Variants in RASA3 observed in about 807,000 individuals in gnomAD.
RASA3 encodes ras GTPase-activating protein 3.
In RASA3, 73 loss-of-function variants were observed where a neutral mutation model predicts 110.0. That is an observed-to-expected ratio of 0.66 (90% CI 0.55 to 0.81). The LOEUF is 0.81. Ranked by LOEUF, RASA3 falls within the 30% of genes least tolerant of loss-of-function variation. The pLI, the probability that RASA3 is intolerant of heterozygous loss-of-function variation, is 0.00. For synonymous variants in RASA3, 500 were observed against 451.4 expected (o/e 1.11, Z -1.37); for missense variants, 976 against 1,113.2 (o/e 0.88, Z 1.75).
At chr13:114,131,400 ACAGT>A (rs2080517180) in intron 1 of RASA3, among the ~76,000 whole-genome samples, 1 of 152,256 alleles carries the variant, frequency 6.6e-6, no homozygotes, top group East Asian at 1.9e-4. Flanking sequence ...TGAATATGGA[ACAGT>A]CACTCCAGGA....
At chr13:114,081,405 C>A (rs1174524724) in intron 1 of RASA3, among the ~76,000 whole-genome samples, 1 of 152,238 alleles carries the variant, frequency 6.6e-6, no homozygotes, top group African/African-American at 2.4e-5. Flanking sequence ...TCACCCAGCA[C>A]TCTGGAAATG....
chr13:114,119,365 C>A (rs2080334370), intron 1 of RASA3, among the ~76,000 whole-genome samples: 1 of 152,202 alleles, frequency 6.6e-6, no homozygotes, highest in Non-Finnish European at 1.5e-5. Context: ...TGATTCCAGA[C>A]GGATGGGACC....
intron 3 of RASA3, among the ~76,000 whole-genome samples, chr13:114,042,853 G>A (rs552294769): frequency 2.0e-5 from 3 of 152,284 alleles, no homozygotes; most frequent in Middle Eastern, 3.4e-3. Context: ...CATCTCAGTC[G>A]GTCCTGCGGT....
chr13:113,981,545 G>A (rs75698006), intron 23 of RASA3, 130 bp downstream of exon 23: 1 of 1,016,044 alleles, frequency 9.8e-7, no homozygotes, highest in African/African-American at 1.6e-5. Context: ...CGGTGCAAGT[G>A]GGACTCTCCT....
chr13:114,044,691 A>C (rs917344391), intron 3 of RASA3, among the ~76,000 whole-genome samples: 10 of 149,240 alleles, frequency 6.7e-5, no homozygotes, highest in African/African-American at 2.5e-4. Flanking sequence ...TCACAGGAAT[A>C]AAGCCACATG....
intron 23 of RASA3, among the ~76,000 whole-genome samples, chr13:113,980,269 G>A (rs563363312): frequency 2.1e-4 from 30 of 139,948 alleles, no homozygotes; most frequent in Non-Finnish European, 1.8e-4. Flanking sequence ...CCACATGTGC[G>A]CACCTCCTCC....
At chr13:114,079,766 T>C (rs1336021707) in intron 1 of RASA3, among the ~76,000 whole-genome samples, 2 of 152,138 alleles carry the variant, frequency 1.3e-5, no homozygotes, top group Non-Finnish European at 2.9e-5. Context: ...CCCTGGCTCC[T>C]GTTCGCCTCT....
At chr13:114,024,790 C>G (rs982661727) in intron 7 of RASA3, among the ~76,000 whole-genome samples, 7 of 152,238 alleles carry the variant, frequency 4.6e-5, no homozygotes, top group African/African-American at 1.7e-4. Flanking sequence ...AAGTGAAACG[C>G]GTGAGGTCTG....
At chr13:114,012,628 A>G (rs977504915) in intron 15 of RASA3, among the ~76,000 whole-genome samples, 1 of 113,598 alleles carries the variant, frequency 8.8e-6, no homozygotes, top group African/African-American at 3.2e-5. Flanking sequence ...CTCACTCCTC[A>G]TTCCACACAC....
intron 3 of RASA3, among the ~76,000 whole-genome samples, chr13:114,042,416 C>A (rs569677523): frequency 7.2e-5 from 11 of 152,262 alleles, no homozygotes; most frequent in Non-Finnish European, 1.6e-4. Context: ...AGAGCACACA[C>A]GAGAGCAGGA....
At chr13:114,037,809 T>C (rs976651133) in intron 4 of RASA3, among the ~76,000 whole-genome samples, 1 of 152,194 alleles carries the variant, frequency 6.6e-6, no homozygotes, top group Non-Finnish European at 1.5e-5. Flanking sequence ...GGCGTCCTGG[T>C]TGACGTTGCA....
At chr13:114,127,693 A>G (rs1364352143) in intron 1 of RASA3, among the ~76,000 whole-genome samples, 1 of 152,166 alleles carries the variant, frequency 6.6e-6, no homozygotes, top group Non-Finnish European at 1.5e-5. Context: ...AGATCCCTTG[A>G]GTCCTGGAGT....
intron 2 of RASA3, among the ~76,000 whole-genome samples, chr13:114,070,209 G>A (rs1237849048): frequency 8.4e-6 from 1 of 118,924 alleles, no homozygotes; most frequent in African/African-American, 3.1e-5. Flanking sequence ...AGACTGGGGG[G>A]TGGGAGACTC....
chr13:114,000,337 T>G (rs2139159781), intron 19 of RASA3, among the ~76,000 whole-genome samples: 1 of 152,154 alleles, frequency 6.6e-6, no homozygotes, highest in South Asian at 2.1e-4. Flanking sequence ...GGCCCAATGC[T>G]CGCATCCTCA....
At chr13:113,981,977 C>T (rs2052947207) in intron 22 of RASA3, 119 bp from the exon 23 acceptor site, 1 of 897,520 alleles carries the variant, frequency 1.1e-6, no homozygotes, top group South Asian at 1.8e-5. Flanking sequence ...CAAGCTCCTC[C>T]AGAAAGGGCT....
At chr13:114,108,127 C>T (rs891147255) in intron 1 of RASA3, among the ~76,000 whole-genome samples, 4 of 152,070 alleles carry the variant, frequency 2.6e-5, no homozygotes, top group Non-Finnish European at 5.9e-5. Context: ...CAGGAGCGAC[C>T]AGTGCTGAGA....
At position 114,013,163 on chromosome 13, in the gene RASA3, G is replaced by A. The variant is rs770227019; in HGVS notation, c.1491C>T (p.Phe497=). ...TCACCGTGTGGTGCGGCGTGAGCTG[G>A]AAGAGGTTGGGGGAGAGAATGGCGG... The part of the protein sequence containing the change: ...FAPAILSPNL[F]QLTPHHTDPQ... The change falls in exon 15 of 24, where the codon TTC becomes TTT. Residue 497 remains phenylalanine (F), a synonymous_variant. Transcript: ENST00000334062. The A allele has an allele frequency of 1.1e-5, 17 of 1,613,350 alleles. No individual in the cohort carries two copies. Among genetic ancestry groups the A allele is most frequent in the Admixed American group, 1.0e-4 (6 of 59,954 alleles).
rs2053333393 is a variant in RASA3 at position 113,999,508 on chromosome 13, G to T, written c.1932+77C>A. The T allele has an allele frequency of 4.2e-6, 5 of 1,203,356 alleles. No homozygotes were observed. In the South Asian group the frequency reaches 6.1e-5, roughly 15 times the overall value. The allele number at this position is 1,203,356 out of a possible 1,614,324, so 74.5% of individuals were successfully genotyped here. A position where few individuals can be genotyped will look rare whatever the true frequency, so the allele number is the denominator to read the frequency against. On this transcript the variant is annotated intron_variant, in intron 20 of 23. Coordinates refer to ENST00000334062, the MANE Select transcript of RASA3 (RefSeq NM_007368.4). The stretch of plus-strand genomic sequence containing the variant: ...GTGGGTGGGGAAGGGTGAGCCCAGG[G>T]CCAGGTACGGGAAGAGAGCAGAGAA...
At chr13:114,127,843 A>G (rs72659587) in intron 1 of RASA3, among the ~76,000 whole-genome samples, 25,582 of 152,174 alleles carry the variant, frequency 0.17, 2,284 homozygotes, top group East Asian at 0.2. Flanking sequence ...GCCCAGATAA[A>G]TCCGTGGGTC....
Sources: allele counts gnomAD v4.1 joint callset (sites outside exome capture counted in the v4.1 genomes callset), GRCh38; gene constraint gnomAD v4.1.1; transcripts MANE v1.5; gene names NCBI Gene and HGNC (gene_info 2026-07-23, HGNC 2026-07-21).